Variants in DAB1 observed in about 807,000 individuals in gnomAD.
The protein encoded by DAB1 is disabled homolog 1.
A neutral mutation model predicts 64.6 loss-of-function variants in DAB1; 15 were observed. The ratio of observed to expected loss-of-function variants is 0.23; its 90% confidence interval spans 0.16 to 0.36. The LOEUF is 0.36. Ranked by LOEUF, DAB1 falls within the 10% of genes least tolerant of loss-of-function variation. The pLI is 1.00. For missense variants in DAB1, 596 were observed against 706.7 expected, an observed-to-expected ratio of 0.84 and a Z score of 1.78; for synonymous variants, 235 against 251.9, an observed-to-expected ratio of 0.93 and a Z score of 0.64.
At chr1:58,476,104 G>T (rs541660173) in intron 3 of DAB1, among the ~76,000 whole-genome samples, 1 of 152,208 alleles carries the variant, frequency 6.6e-6, no homozygotes, top group Admixed American at 6.5e-5. Context: ...AAGGTCCCGG[G>T]CCTCTTGTGG....
intron 7 of DAB1, among the ~76,000 whole-genome samples, chr1:57,489,842 G>A (rs890523318): frequency 6.6e-6 from 1 of 152,292 alleles, no homozygotes; most frequent in Admixed American, 6.5e-5. Context: ...AAATTTTAGG[G>A]AGTGACTCAT....
intron 1 of DAB1, among the ~76,000 whole-genome samples, chr1:57,843,249 T>C (rs551022181): frequency 6.6e-6 from 1 of 152,360 alleles, no homozygotes; most frequent in South Asian, 2.1e-4. Flanking sequence ...AAAAGGTTTT[T>C]TCTTTTGTCT....
intron 2 of DAB1, among the ~76,000 whole-genome samples, chr1:57,227,577 A>G (rs1337648990): frequency 6.8e-6 from 1 of 147,936 alleles, no homozygotes; most frequent in East Asian, 2.0e-4. Context: ...TTTTGTTGAA[A>G]TAAGAGTCTC....
At chr1:58,189,990 C>T (rs1403580115) in intron 4 of DAB1, among the ~76,000 whole-genome samples, 4 of 152,164 alleles carry the variant, frequency 2.6e-5, no homozygotes, top group African/African-American at 9.6e-5. Context: ...CCTCCTGATA[C>T]TTCTTGGGAC....
At chr1:57,410,135 A>G (rs1162480811) in intron 1 of DAB1, among the ~76,000 whole-genome samples, 1 of 152,336 alleles carries the variant, frequency 6.6e-6, no homozygotes, top group East Asian at 1.9e-4. Context: ...AGGATAAGAA[A>G]ATAAAGAAAA....
At chr1:58,139,772 G>A (rs1654172492) in intron 5 of DAB1, among the ~76,000 whole-genome samples, 1 of 152,162 alleles carries the variant, frequency 6.6e-6, no homozygotes, top group Non-Finnish European at 1.5e-5. Flanking sequence ...TCCTAGATGT[G>A]TGGCCTTGGG....
intron 6 of DAB1, among the ~76,000 whole-genome samples, chr1:57,691,435 A>G (rs1235902122): frequency 6.6e-6 from 1 of 152,176 alleles, no homozygotes; most frequent in Non-Finnish European, 1.5e-5. Flanking sequence ...AGGGAATAAA[A>G]GCTGGCCACC....
intron 6 of DAB1, among the ~76,000 whole-genome samples, chr1:57,677,981 CTT>C (rs1358541239): frequency 6.6e-6 from 1 of 152,126 alleles, no homozygotes; most frequent in Non-Finnish European, 1.5e-5. Flanking sequence ...ATCTGGAAAA[CTT>C]TAGAAAACAT....
At chr1:57,514,922 T>C (rs1473238281) in intron 7 of DAB1, among the ~76,000 whole-genome samples, 1 of 152,218 alleles carries the variant, frequency 6.6e-6, no homozygotes, top group East Asian at 1.9e-4. Context: ...ACAAGGTATT[T>C]AAAACAATGC....
intron 6 of DAB1, among the ~76,000 whole-genome samples, chr1:57,736,926 G>A (rs149428129): frequency 1.3e-5 from 2 of 152,306 alleles, no homozygotes; most frequent in African/African-American, 4.8e-5. Flanking sequence ...AGACAACCTA[G>A]GTGTGGACAG....
Position 57,553,593 on chromosome 1 carries a change from C to T in DAB1, n.625+95999G>A, listed in dbSNP as rs531531174. ...CTCCCTACTCAGCAAATCACTTGAG[C>T]CCAGAAGACCTAAACTGCAGTGAGC... is the stretch of plus-strand genomic sequence containing the variant. On this transcript the variant is annotated intron_variant and non_coding_transcript_variant, in intron 7 of 20. Coordinates refer to the DAB1 transcript ENST00000485760. Among the ~76,000 whole-genome samples, 3 of 151,980 alleles carry T rather than the reference C, an allele frequency of 2.0e-5. No individual in the cohort carries two copies. The South Asian group carries it at 6.3e-4, about 32-fold the overall frequency.
chr1:58,210,014 G>A (rs1658473752), intron 4 of DAB1, among the ~76,000 whole-genome samples: 1 of 152,144 alleles, frequency 6.6e-6, no homozygotes, highest in African/African-American at 2.4e-5. Context: ...ACAGTAAGAT[G>A]TAGCAATAAT....
chr1:58,119,225 CGTGTGTGTGTGTGT>C (rs35994489), intron 5 of DAB1, among the ~76,000 whole-genome samples: 2 of 146,878 alleles, frequency 1.4e-5, no homozygotes, highest in Non-Finnish European at 3.0e-5. Context: ...TGTGTGTGTG[CGTGTGTGTGTGTGT>C]GTGTGTGTGT....
chr1:57,652,283 G>C (rs578151329), intron 6 of DAB1, among the ~76,000 whole-genome samples: 41 of 152,034 alleles, frequency 2.7e-4, no homozygotes, highest in African/African-American at 9.6e-4. Flanking sequence ...GACCTCACCT[G>C]TGACCAGCAC....
chr1:58,442,960 G>A (rs1362391529), intron 3 of DAB1, among the ~76,000 whole-genome samples: 1 of 152,142 alleles, frequency 6.6e-6, no homozygotes. Flanking sequence ...TATATGTAAG[G>A]CAGCCAACAG....
chr1:57,148,667 A>G (rs1455372351), intron 2 of DAB1, among the ~76,000 whole-genome samples: 1 of 152,190 alleles, frequency 6.6e-6, no homozygotes, highest in African/African-American at 2.4e-5. Context: ...AATCACCCAT[A>G]TGGTCACTGT....
In DAB1 at chr1:58,531,795, C is replaced by T. The variant is rs1028288486; in HGVS notation, n.33-4460G>A. On this transcript the variant is annotated intron_variant and non_coding_transcript_variant, in intron 1 of 20. Transcript: ENST00000485760. ...CGAGGTCTCGACTCACTGCAACCTC[C>T]GCCTCCAGGTTCAAATGTTTCTCCT... is the stretch of plus-strand genomic sequence containing the variant. 1.3e-5 allele frequency among the ~76,000 whole-genome samples: 2 copies of T among 152,040 alleles called. 1 individual carries two copies. The highest frequency in any genetic ancestry group is 4.1e-4 in the South Asian group (2 of 4,824).
intron 11 of DAB1, among the ~76,000 whole-genome samples, chr1:57,021,342 C>T (rs35124225): frequency 0.06 from 9,066 of 152,234 alleles, 881 homozygotes; most frequent in African/African-American, 0.2. Flanking sequence ...GGGCCCAGAG[C>T]AGTGCTGTGA....
At chr1:57,155,098 T>C (rs1024920619) in intron 2 of DAB1, among the ~76,000 whole-genome samples, 3 of 152,238 alleles carry the variant, frequency 2.0e-5, no homozygotes, top group Non-Finnish European at 4.4e-5. Flanking sequence ...AAGAAATTTT[T>C]GCCCAGACCC....
Sources: gnomAD v4.1 joint callset for allele counts (sites outside exome capture counted in the v4.1 genomes callset) on GRCh38, gnomAD v4.1.1 for gene constraint, MANE v1.5 for transcripts, NCBI Gene and HGNC (gene_info 2026-07-23, HGNC 2026-07-21) for gene names.